Variants in MTARC2 observed in about 807,000 individuals in gnomAD.
MTARC2 encodes the protein mitochondrial amidoxime reducing component 2.
MTARC2 carries 27 observed loss-of-function variants against 35.6 expected under a neutral mutation model. The observed-to-expected ratio is 0.76, with a 90% CI of 0.56 to 1.04. The LOEUF (loss-of-function observed/expected upper bound fraction) is 1.04, where lower values mean the gene tolerates loss of function less well. Ranked by LOEUF, MTARC2 falls within the 50% of genes least tolerant of loss-of-function variation. MTARC2 has a pLI of 0.00. For missense variants in MTARC2, 412 were observed against 432.5 expected (o/e 0.95, Z 0.42); for synonymous variants, 158 against 167.1 (o/e 0.95, Z 0.42).
At chr1:220,773,925 G>T (rs1001278037) in intron 4 of MTARC2, among the ~76,000 whole-genome samples, 1 of 151,746 alleles carries the variant, frequency 6.6e-6, no homozygotes, top group Non-Finnish European at 1.5e-5. Flanking sequence ...TATGTATACA[G>T]ATTTTTTATG....
At chr1:220,760,112 G>A (rs337141) in intron 2 of MTARC2, among the ~76,000 whole-genome samples, 3 of 152,076 alleles carry the variant, frequency 2.0e-5, no homozygotes, top group East Asian at 3.9e-4. Flanking sequence ...CAAGTTCTCC[G>A]GTCTCACCAT....
intron 4 of MTARC2, among the ~76,000 whole-genome samples, chr1:220,769,035 T>C (rs1382187828): frequency 6.6e-5 from 10 of 152,084 alleles, no homozygotes; most frequent in Admixed American, 6.5e-4. Context: ...GTGGATGGAG[T>C]AGGAATACAT....
chr1:220,784,325 T>A lies in MTARC2; in HGVS notation c.*438T>A, dbSNP rs1395568755. The A allele has an allele frequency of 4.4e-6, 1 of 228,722 alleles. No individual in the cohort carries two copies. The highest frequency in any genetic ancestry group is 8.7e-6 in the Non-Finnish European group (1 of 114,392). The allele number at this position is 228,722 out of a possible 1,614,324, so 14.2% of individuals were successfully genotyped here. A position where few individuals can be genotyped will look rare whatever the true frequency, so the allele number is the denominator to read the frequency against. On this transcript the variant is annotated 3_prime_UTR_variant, in exon 8 of 8. Transcript: ENST00000366913. ...TTTGGGAGAAATGGGAAGCAACAGA[T>A]CACTGTGTCCTGATGTGCAGGACGC...
chr1:220,750,846 A>G (rs1326084907), intron 1 of MTARC2, among the ~76,000 whole-genome samples: 1 of 152,244 alleles, frequency 6.6e-6, no homozygotes, highest in Non-Finnish European at 1.5e-5. Context: ...GTGTGAGTAC[A>G]GAACTTATGC....
At chr1:220,765,237 C>T (rs1389439302) in intron 4 of MTARC2, among the ~76,000 whole-genome samples, 1 of 151,976 alleles carries the variant, frequency 6.6e-6, no homozygotes, top group African/African-American at 2.4e-5. Context: ...GTTGGGAGGC[C>T]TAGAAGCACA....
chr1:220,753,431 G>C (rs993156408), intron 1 of MTARC2, among the ~76,000 whole-genome samples: 2 of 152,176 alleles, frequency 1.3e-5, no homozygotes, highest in African/African-American at 4.8e-5. Flanking sequence ...TTGCGGGGAA[G>C]GGACAGTTTA....
Position 220,784,180 on chromosome 1 carries a change from G to A in MTARC2, c.*293G>A, listed in dbSNP as rs1360019534. ...AAATGCTATTTTGAATGTTATCATGGCTATTACACTTTTACTTCCTGACTT... is the reference window on the plus strand; with the variant it reads ...AAATGCTATTTTGAATGTTATCATGACTATTACACTTTTACTTCCTGACTT... On this transcript the variant is annotated 3_prime_UTR_variant, in exon 8 of 8. Coordinates refer to ENST00000366913, the MANE Select transcript of MTARC2 (RefSeq NM_017898.5). 6.9e-6 allele frequency: 3 copies of A among 435,744 alleles called. No homozygotes were observed. The highest frequency in any genetic ancestry group is 1.2e-5 in the Non-Finnish European group (3 of 244,108). 27.0% of individuals were successfully genotyped at this position (435,744 alleles called of 1,614,324 possible).
chr1:220,766,988 AAAATT>A (rs1671597327), intron 4 of MTARC2, among the ~76,000 whole-genome samples: 1 of 152,020 alleles, frequency 6.6e-6, no homozygotes, highest in Admixed American at 6.6e-5. Context: ...CAAAAAAAAA[AAAATT>A]AATTAATTAA....
rs1358727837 is a variant in MTARC2, at chr1:220,765,338, C to T, written c.750+2288C>T. Among the ~76,000 whole-genome samples, 4 of 152,308 alleles carry T rather than the reference C, an allele frequency of 2.6e-5. No individual in the cohort carries two copies. The East Asian group carries it at 5.8e-4, about 22-fold the overall frequency. On this transcript the variant is annotated intron_variant, in intron 4 of 7. Transcript: ENST00000366913. The stretch of plus-strand genomic sequence containing the variant: ...AAATGTTAGGGAGGCTGCACTGGAG[C>T]TGGCTGGAGGCCACCACACCAAGGA...
chr1:220,760,328 C>A (rs534914664), intron 2 of MTARC2, among the ~76,000 whole-genome samples: 3 of 152,212 alleles, frequency 2.0e-5, no homozygotes, highest in South Asian at 4.1e-4. Context: ...AATGAAGGGG[C>A]CTCCAGTGAA....
At chr1:220,759,114 C>A (rs768875384) in intron 2 of MTARC2, among the ~76,000 whole-genome samples, 1 of 152,098 alleles carries the variant, frequency 6.6e-6, no homozygotes, top group Non-Finnish European at 1.5e-5. Flanking sequence ...CATAGCAAGT[C>A]TTAAAAACAC....
intron 1 of MTARC2, 57 bp downstream of exon 1, chr1:220,748,860 G>GC (rs962493773): frequency 2.7e-6 from 4 of 1,485,280 alleles, no homozygotes; most frequent in African/African-American, 2.9e-5. Context: ...GAGGAGCGGG[G>GC]GGGCAGGTGG....
chr1:220,782,780 G>A (rs894943554), intron 7 of MTARC2, among the ~76,000 whole-genome samples: 2 of 116,130 alleles, frequency 1.7e-5, no homozygotes, highest in African/African-American at 3.2e-5. Flanking sequence ...ACTTGGGTTT[G>A]TAATCCAAGC....
chr1:220,770,535 G>A, intron 4 of MTARC2: 1 of 985,440 alleles, frequency 1.0e-6, no homozygotes. Flanking sequence ...ACAGATGTTG[G>A]AGTAGAGACG....
intron 1 of MTARC2, among the ~76,000 whole-genome samples, chr1:220,750,894 G>T (rs952416568): frequency 1.7e-4 from 26 of 152,290 alleles, no homozygotes; most frequent in Admixed American, 6.5e-4. Context: ...AAAACTATAA[G>T]GATTGCACTG....
chr1:220,783,953 A>C lies in MTARC2; in HGVS notation c.*66A>C. On this transcript the variant is annotated 3_prime_UTR_variant, in exon 8 of 8. Coordinates refer to ENST00000366913, the MANE Select transcript of MTARC2 (RefSeq NM_017898.5). ...ACCAGGAGGGATTGACTGAGATCTTAACAACAGCAGCAACGATACATCAGC... is the reference window on the plus strand; with the variant it reads ...ACCAGGAGGGATTGACTGAGATCTTCACAACAGCAGCAACGATACATCAGC... The C allele has an allele frequency of 1.4e-6, 1 of 717,488 alleles. No homozygotes were observed. Among genetic ancestry groups the C allele is most frequent in the Middle Eastern group, 2.3e-4 (1 of 4,372 alleles). 44.4% of individuals were successfully genotyped at this position (717,488 alleles called of 1,614,324 possible).
At position 220,780,022 on chromosome 1, in the gene MTARC2, C is replaced by A; in HGVS notation, c.755C>A (p.Thr252Asn). Residue 252 changes from threonine (T) to asparagine (N), a missense_variant, in exon 5 of 8, where the codon ACC (threonine) becomes AAC (asparagine). Transcript: ENST00000366913. ...TAACTTTCTCTTTTCTCTTAGGATA[C>A]CTGGGATGAACTCCTAATTGGTAGT... The part of the protein sequence containing the change: ...VTGCDAFEED[T>N]WDELLIGSVE... The A allele has an allele frequency of 6.5e-7, 1 of 1,532,288 alleles. No homozygotes were observed. Among genetic ancestry groups the A allele is most frequent in the Non-Finnish European group, 8.7e-7 (1 of 1,150,690 alleles). 94.9% of individuals were successfully genotyped at this position (1,532,288 alleles called of 1,614,324 possible).
chr1:220,762,202 G>A (rs765295710), intron 3 of MTARC2, among the ~76,000 whole-genome samples: 2 of 152,126 alleles, frequency 1.3e-5, no homozygotes, highest in African/African-American at 2.4e-5. Flanking sequence ...GTTCTGACCC[G>A]CCCCTCACAA....
intron 4 of MTARC2, among the ~76,000 whole-genome samples, chr1:220,772,751 A>T (rs1316239253): frequency 6.6e-6 from 1 of 151,992 alleles, no homozygotes; most frequent in Non-Finnish European, 1.5e-5. Flanking sequence ...GACTTGCTTG[A>T]TATGAACTGG....
Sources: gnomAD v4.1 joint callset for allele counts (sites outside exome capture counted in the v4.1 genomes callset) on GRCh38, gnomAD v4.1.1 for gene constraint, MANE v1.5 for transcripts, NCBI Gene and HGNC (gene_info 2026-07-23, HGNC 2026-07-21) for gene names.